PEX3: variants seen among roughly 807,000 people sequenced by gnomAD.
PEX3 encodes peroxisomal biogenesis factor 3, also known as peroxin-3.
Under a neutral mutation model 55.8 loss-of-function variants are expected in PEX3, and 30 were observed. The ratio of observed to expected loss-of-function variants is 0.54; its 90% CI spans 0.40 to 0.73. The LOEUF is 0.73. Among genes scored for constraint, PEX3 ranks in the 30% least tolerant of loss-of-function variants. PEX3 has a pLI of 0.00. For missense variants in PEX3, 351 were observed against 432.8 expected (o/e 0.81, Z 1.68); for synonymous variants, 135 against 148.4 (o/e 0.91, Z 0.66).
Position 143,483,107 on chromosome 6 carries a change from T to C in PEX3, c.942-2045T>C, listed in dbSNP as rs1281806817. 6.6e-6 allele frequency among the ~76,000 whole-genome samples: 1 copy of C among 152,108 alleles called. No individual in the cohort carries two copies. The highest frequency in any genetic ancestry group is 2.4e-5 in the African/African-American group (1 of 41,424). On this transcript the variant is annotated intron_variant, in intron 10 of 11. Transcript: ENST00000367591. The surrounding 1 kb of genome is among the most constrained non-coding windows in gnomAD (Gnocchi z 4.3). The stretch of plus-strand genomic sequence containing the variant: ...CACATCAGTTAAGGAAGCAAACACC[T>C]AAGGAAAGAAAAATTTTCTTTCTTA...
intron 3 of PEX3, among the ~76,000 whole-genome samples, chr6:143,467,124 G>T (rs1485400114): frequency 6.6e-6 from 1 of 151,882 alleles, no homozygotes; most frequent in Non-Finnish European, 1.5e-5. Context: ...CAAAGAATTG[G>T]AAAAACAGAA....
chr6:143,468,033 TA>T (rs1163320099), intron 3 of PEX3, 88 bp from the exon 4 acceptor site: 12 of 758,386 alleles, frequency 1.6e-5, no homozygotes, highest in Non-Finnish European at 2.6e-5. Flanking sequence ...TAATTTTTTT[TA>T]AAAAGTAAAA....
At chr6:143,469,219 T>A (rs1274233590) in intron 4 of PEX3, among the ~76,000 whole-genome samples, 1 of 152,228 alleles carries the variant, frequency 6.6e-6, no homozygotes, top group Non-Finnish European at 1.5e-5. Context: ...TCAAATGGTA[T>A]TTCTAGTTCT....
chr6:143,470,828 A>T (rs1345746550), intron 4 of PEX3, 133 bp from the exon 5 acceptor site: 2 of 698,056 alleles, frequency 2.9e-6, no homozygotes, highest in Non-Finnish European at 4.8e-6. Context: ...TTGAATTGAT[A>T]TATTTTTATA....
In PEX3 at chr6:143,471,056, G is replaced by C; in HGVS notation, c.427G>C (p.Asp143His). The C allele has an allele frequency of 6.2e-7, 1 of 1,613,430 alleles. No individual in the cohort carries two copies. Residue 143 changes from aspartate (D) to histidine (H), a missense_variant, in exon 5 of 12, where the codon GAT becomes CAT. Transcript: ENST00000367591. This position sits in a 1 kb window ranked among gnomAD's most constrained non-coding sequence, Gnocchi z 5.4. The part of the protein sequence containing the change: ...LNIIGGYIYL[D>H]NAAVGKNGTT... ...CATAATTGGTGGATATATTTACCTG[G>C]ATAATGCAGCAGTTGGCAAAAATGG...
At chr6:143,480,623 A>G (rs905232709) in intron 10 of PEX3, among the ~76,000 whole-genome samples, 1 of 152,192 alleles carries the variant, frequency 6.6e-6, no homozygotes, top group Non-Finnish European at 1.5e-5. Context: ...GTTTCATCTC[A>G]ATAACCAACT....
rs377192049 is a variant in PEX3 at position 143,472,291 on chromosome 6, A to T, written c.710A>T (p.Tyr237Phe). The T allele has an allele frequency of 1.9e-6, 3 of 1,609,614 alleles. No individual in the cohort carries two copies. In the African/African-American group the frequency reaches 4.0e-5, roughly 22 times the overall value. The change falls in exon 8 of 12, where the codon TAT becomes TTT. Residue 237 changes from tyrosine (Y) to phenylalanine (F), a missense_variant. Tyr to Phe is a conservative substitution (Grantham distance 22, BLOSUM62 3). Transcript: ENST00000367591. ...KDGSKPLLCH[Y>F]MMPDEETPLA... The stretch of plus-strand genomic sequence containing the variant: ...GGATCCAAACCTTTATTATGCCATT[A>T]TATGATGCCAGATGAAGAAACTCCA...
intron 10 of PEX3, among the ~76,000 whole-genome samples, chr6:143,480,243 A>G (rs1038468214): frequency 6.6e-6 from 1 of 152,196 alleles, no homozygotes; most frequent in African/African-American, 2.4e-5. Flanking sequence ...AATCCTATAT[A>G]CTGTATAAAT....
At chr6:143,461,617 G>A (rs1779921580) in intron 2 of PEX3, among the ~76,000 whole-genome samples, 1 of 151,606 alleles carries the variant, frequency 6.6e-6, no homozygotes, top group Non-Finnish European at 1.5e-5. Context: ...GTAAATATAA[G>A]TAGTTTTCTT....
Position 143,451,256 on chromosome 6 carries a change from T to G in PEX3, c.73+141T>G. On this transcript the variant is annotated intron_variant, in intron 1 of 11. Coordinates refer to ENST00000367591, the MANE Select transcript of PEX3 (RefSeq NM_003630.3). This position sits in a 1 kb window ranked among gnomAD's most constrained non-coding sequence, Gnocchi z 4.1. ...ATCAACCATGGGATGAAAAGGGAGGTGGCCAACCTCCAGGGTTCTCCCATC... is the reference window on the plus strand; with the variant it reads ...ATCAACCATGGGATGAAAAGGGAGGGGGCCAACCTCCAGGGTTCTCCCATC... The G allele has an allele frequency of 1.4e-6, 1 of 710,944 alleles. No individual in the cohort carries two copies. The allele number at this position is 710,944 out of a possible 1,614,324, so 44.0% of individuals were successfully genotyped here. A position where few individuals can be genotyped will look rare whatever the true frequency, so the allele number is the denominator to read the frequency against.
Position 143,482,124 on chromosome 6 carries a change from G to A in PEX3, c.941+2926G>A, listed in dbSNP as rs1477271813. Among the ~76,000 whole-genome samples, 1 of 152,070 alleles carries A rather than the reference G, an allele frequency of 6.6e-6. No individual in the cohort carries two copies. Among genetic ancestry groups the A allele is most frequent in the Non-Finnish European group, 1.5e-5 (1 of 68,010 alleles). On this transcript the variant is annotated intron_variant, in intron 10 of 11. Coordinates refer to ENST00000367591, the MANE Select transcript of PEX3 (RefSeq NM_003630.3). This position sits in a 1 kb window ranked among gnomAD's most constrained non-coding sequence, Gnocchi z 5.5. ...TCTATTATTCTATCTAATGGAGTAA[G>A]GCTAGGAGAAGACCAATTTTGAGAT... is the stretch of plus-strand genomic sequence containing the variant.
At position 143,465,018 on chromosome 6, in the gene PEX3, A is replaced by G. The variant is rs951311306; in HGVS notation, c.287+2021A>G. Among the ~76,000 whole-genome samples the G allele has an allele frequency of 7.2e-5, 11 of 152,048 alleles. No homozygotes were observed. The highest frequency in any genetic ancestry group is 2.7e-4 in the African/African-American group (11 of 41,456). ...TTGGCACTCTTCTTGAAGACTGATA[A>G]TGGCAATGAAGTTTCAATGGCAAAA... On this transcript the variant is annotated intron_variant, in intron 3 of 11. Coordinates refer to ENST00000367591, the MANE Select transcript of PEX3 (RefSeq NM_003630.3). The surrounding 1 kb of genome is among the most constrained non-coding windows in gnomAD (Gnocchi z 4.7).
At chr6:143,480,733 A>G (rs1430597690) in intron 10 of PEX3, among the ~76,000 whole-genome samples, 1 of 152,180 alleles carries the variant, frequency 6.6e-6, no homozygotes, top group Non-Finnish European at 1.5e-5. Context: ...AAGTCAAGAA[A>G]AAACAAATGG....
At chr6:143,457,183 G>T (rs373491697) in intron 1 of PEX3, among the ~76,000 whole-genome samples, 312 of 152,294 alleles carry the variant, frequency 2.0e-3, no homozygotes, top group African/African-American at 7.1e-3. Flanking sequence ...GTGCAAATAA[G>T]ATACAAACAA....
chr6:143,471,155 T>C lies in PEX3; in HGVS notation c.456+70T>C. ...GGTTCAAAGTTTAACTTATTTATCC[T>C]GATAACAATTTCTATGAAATAAATA... is the stretch of plus-strand genomic sequence containing the variant. On this transcript the variant is annotated intron_variant, in intron 5 of 11. Coordinates refer to ENST00000367591, the MANE Select transcript of PEX3 (RefSeq NM_003630.3). This position sits in a 1 kb window ranked among gnomAD's most constrained non-coding sequence, Gnocchi z 5.4. 7.7e-7 allele frequency: 1 copy of C among 1,301,880 alleles called. No homozygotes were observed. 80.6% of individuals were successfully genotyped at this position (1,301,880 alleles called of 1,614,324 possible).
At chr6:143,472,138 A>G (rs760666884) in intron 7 of PEX3, 22 bp from the exon 8 acceptor site, 7 of 1,544,170 alleles carry the variant, frequency 4.5e-6, no homozygotes, top group Admixed American at 3.3e-5. Flanking sequence ...ATTTATCCCA[A>G]TTCCCTTTTC....
chr6:143,489,415 G>C lies in PEX3; in HGVS notation c.*189G>C. Reference sequence around the variant, plus strand: ...ATATATTTTTTTAGATTCATCAACAGACCAGTTTTTGTGGGCATATATATA... The same window carrying C: ...ATATATTTTTTTAGATTCATCAACACACCAGTTTTTGTGGGCATATATATA... On this transcript the variant is annotated 3_prime_UTR_variant, in exon 12 of 12. Transcript: ENST00000367591. The surrounding 1 kb of genome is among the most constrained non-coding windows in gnomAD (Gnocchi z 5.5). The C allele has an allele frequency of 4.0e-6, 2 of 504,176 alleles. No individual in the cohort carries two copies. The highest frequency in any genetic ancestry group is 4.4e-5 in the South Asian group (2 of 45,314). 31.2% of individuals were successfully genotyped at this position (504,176 alleles called of 1,614,324 possible).
Position 143,463,912 on chromosome 6 carries a change from A to G in PEX3, c.287+915A>G, listed in dbSNP as rs1329247415. Among the ~76,000 whole-genome samples the G allele has an allele frequency of 6.6e-6, 1 of 152,090 alleles. No individual in the cohort carries two copies. Among genetic ancestry groups the G allele is most frequent in the African/African-American group, 2.4e-5 (1 of 41,432 alleles). On this transcript the variant is annotated intron_variant, in intron 3 of 11. Transcript: ENST00000367591. The surrounding 1 kb of genome is among the most constrained non-coding windows in gnomAD (Gnocchi z 5.7). Reference sequence around the variant, plus strand: ...TACATAACAAGTGGGGAATTTTTTTAAAAACACTTACTATATTCAGAGAAT... The same window carrying G: ...TACATAACAAGTGGGGAATTTTTTTGAAAACACTTACTATATTCAGAGAAT...
intron 4 of PEX3, among the ~76,000 whole-genome samples, chr6:143,468,814 C>A (rs958813128): frequency 1.6e-5 from 2 of 128,876 alleles, no homozygotes; most frequent in African/African-American, 5.5e-5. Flanking sequence ...CCCCCCCCCC[C>A]ACCCCACGAC....
Sources: allele counts gnomAD v4.1 joint callset (sites outside exome capture counted in the v4.1 genomes callset), GRCh38; gene constraint gnomAD v4.1.1; non-coding constraint Gnocchi (gnomAD v3.1); transcripts MANE v1.5; gene names NCBI Gene and HGNC (gene_info 2026-07-23, HGNC 2026-07-21).